The following SYT9 variants were observed in gnomAD, a reference collection of about 807,000 sequenced individuals.
SYT9 encodes synaptotagmin 9.
A neutral mutation model predicts 48.4 loss-of-function variants in SYT9; 22 were observed. The ratio of observed to expected loss-of-function variants is 0.45; its 90% CI spans 0.32 to 0.65. SYT9 has a LOEUF of 0.65. Ranked by LOEUF, SYT9 falls within the 30% of genes least tolerant of loss-of-function variation. The pLI is 0.03. For missense variants in SYT9, 577 were observed against 622.0 expected, an observed-to-expected ratio of 0.93 and a Z score of 0.77; for synonymous variants, 265 against 245.0, an observed-to-expected ratio of 1.08 and a Z score of -0.76.
chr11:7,448,408 C>T (rs1422881497), intron 6 of SYT9, among the ~76,000 whole-genome samples: 1 of 152,256 alleles, frequency 6.6e-6, no homozygotes, highest in Non-Finnish European at 1.5e-5. Flanking sequence ...ACACCTCATG[C>T]ACATCTTCTC....
intron 6 of SYT9, chr11:7,440,259 C>T (rs965869275): frequency 6.6e-6 from 1 of 152,122 alleles, no homozygotes; most frequent in Non-Finnish European, 1.5e-5. Context: ...GTTGGAACCC[C>T]CCTGAGTAGA....
chr11:7,290,365 A>G (rs1185563183), intron 1 of SYT9, among the ~76,000 whole-genome samples: 1 of 152,224 alleles, frequency 6.6e-6, no homozygotes, highest in Non-Finnish European at 1.5e-5. Context: ...CCCCAGTTAT[A>G]TAATACCTCG....
intron 1 of SYT9, among the ~76,000 whole-genome samples, chr11:7,302,717 G>T (rs1413541402): frequency 6.6e-6 from 1 of 152,190 alleles, no homozygotes; most frequent in Non-Finnish European, 1.5e-5. Context: ...CTGTAGGATA[G>T]AGTCTCATTT....
chr11:7,393,724 T>C (rs1387744988), intron 3 of SYT9, among the ~76,000 whole-genome samples: 9 of 152,110 alleles, frequency 5.9e-5, no homozygotes, highest in Non-Finnish European at 7.4e-5. Flanking sequence ...TGTCCAGAGC[T>C]TTTTCTCACT....
Position 7,429,807 on chromosome 11 carries a change from C to T in SYT9, c.1467+9172C>T, listed in dbSNP as rs185988847. ...AAATTATTAATGTTCAGATAATTAA[C>T]TTGTGTGTTAAAACAAGCATGGTGA... On this transcript the variant is annotated intron_variant, in intron 6 of 6. Transcript: ENST00000318881. 4.0e-3 allele frequency among the ~76,000 whole-genome samples: 610 copies of T among 152,296 alleles called. 6 individuals are homozygous for T. Among genetic ancestry groups the T allele is most frequent in the African/African-American group, 0.014 (576 of 41,556 alleles).
chr11:7,400,196 A>G (rs1021092222), intron 3 of SYT9, among the ~76,000 whole-genome samples: 2 of 152,204 alleles, frequency 1.3e-5, no homozygotes, highest in African/African-American at 4.8e-5. Flanking sequence ...TTTAGCATGA[A>G]TGATGCCATA....
intron 1 of SYT9, among the ~76,000 whole-genome samples, chr11:7,285,214 G>C (rs1233950228): frequency 6.6e-6 from 1 of 152,140 alleles, no homozygotes; most frequent in Non-Finnish European, 1.5e-5. Flanking sequence ...CCCAAGACTG[G>C]GTTATTTATA....
chr11:7,396,150 T>C lies in SYT9; in HGVS notation c.1045-19892T>C, dbSNP rs144749388. On this transcript the variant is annotated intron_variant, in intron 3 of 6. Transcript: ENST00000318881. The stretch of plus-strand genomic sequence containing the variant: ...GCATATAAGTTTTGTCCCATACTTA[T>C]AATCATGTAAACATTGTCATGATCA... 2.2e-4 allele frequency among the ~76,000 whole-genome samples: 34 copies of C among 152,230 alleles called. 1 individual carries two copies. The highest frequency in any genetic ancestry group is 8.2e-4 in the African/African-American group (34 of 41,576).
upstream of SYT9, among the ~76,000 whole-genome samples, chr11:7,250,449 C>A (rs1194721466): frequency 9.2e-6 from 1 of 108,828 alleles, no homozygotes; most frequent in Admixed American, 8.6e-5. Flanking sequence ...GTCCCCCCCG[C>A]CACCCCCCCC....
intron 3 of SYT9, among the ~76,000 whole-genome samples, chr11:7,350,684 A>G (rs116784852): frequency 2.0e-5 from 3 of 151,946 alleles, no homozygotes; most frequent in African/African-American, 4.8e-5. Context: ...TCTCCTCTCA[A>G]TGCCCACTGC....
At chr11:7,384,243 G>C (rs1850617044) in intron 3 of SYT9, among the ~76,000 whole-genome samples, 1 of 151,892 alleles carries the variant, frequency 6.6e-6, no homozygotes. Flanking sequence ...TTCCTCCCAG[G>C]AGTTGGTAAT....
At chr11:7,323,179 A>C (rs1206217913) in intron 3 of SYT9, among the ~76,000 whole-genome samples, 1 of 152,120 alleles carries the variant, frequency 6.6e-6, no homozygotes, top group Non-Finnish European at 1.5e-5. Flanking sequence ...TGGTAAATAC[A>C]TGCAGGAATT....
chr11:7,334,163 CA>C, intron 3 of SYT9, among the ~76,000 whole-genome samples: 1 of 151,852 alleles, frequency 6.6e-6, no homozygotes, highest in Non-Finnish European at 1.5e-5. Context: ...GTTCAGGGGA[CA>C]AAAAGTGCAG....
At chr11:7,330,498 A>G (rs1354363745) in intron 3 of SYT9, among the ~76,000 whole-genome samples, 4 of 152,164 alleles carry the variant, frequency 2.6e-5, no homozygotes, top group African/African-American at 9.7e-5. Context: ...CTTTTTGAGG[A>G]GGAAAATAAA....
intron 6 of SYT9, among the ~76,000 whole-genome samples, chr11:7,463,929 T>C (rs1189448879): frequency 6.6e-6 from 1 of 152,094 alleles, no homozygotes; most frequent in African/African-American, 2.4e-5. Flanking sequence ...GACTTGGCCA[T>C]TGGCAACAAT....
intron 3 of SYT9, among the ~76,000 whole-genome samples, chr11:7,376,861 C>A (rs143986321): frequency 9.2e-5 from 14 of 151,952 alleles, no homozygotes; most frequent in African/African-American, 3.4e-4. Flanking sequence ...ATTTTTGACA[C>A]TGGTGAACTT....
At chr11:7,329,299 T>A (rs1849488094) in intron 3 of SYT9, among the ~76,000 whole-genome samples, 1 of 152,200 alleles carries the variant, frequency 6.6e-6, no homozygotes, top group Admixed American at 6.5e-5. Flanking sequence ...TTTAGCAGTT[T>A]CCAATTAGTA....
At chr11:7,462,008 G>A (rs987392688) in intron 6 of SYT9, among the ~76,000 whole-genome samples, 4 of 152,144 alleles carry the variant, frequency 2.6e-5, no homozygotes, top group Non-Finnish European at 4.4e-5. Context: ...TCTACTTGAC[G>A]GTGAATCTTA....
chr11:7,415,573 C>T (rs1847226792), intron 3 of SYT9, among the ~76,000 whole-genome samples: 1 of 151,956 alleles, frequency 6.6e-6, no homozygotes, highest in Admixed American at 6.6e-5. Flanking sequence ...TGCAGAGCTA[C>T]CCTGGGCCGT....
Sources: gnomAD v4.1 joint callset for allele counts (sites outside exome capture counted in the v4.1 genomes callset) on GRCh38, gnomAD v4.1.1 for gene constraint, MANE v1.5 for transcripts, NCBI Gene and HGNC (gene_info 2026-07-23, HGNC 2026-07-21) for gene names.